Variants in CTNNA3 observed in about 807,000 individuals in gnomAD.
The protein encoded by CTNNA3 is catenin alpha 3, also known as catenin alpha-3.
CTNNA3 carries 76 observed loss-of-function variants against 95.7 expected under a neutral mutation model. The observed-to-expected ratio is 0.79, with a 90% CI of 0.66 to 0.96. The LOEUF is 0.96. Ranked by LOEUF, CTNNA3 falls within the 40% of genes least tolerant of loss-of-function variation. The probability of loss-of-function intolerance (pLI) is 0.00; values close to 1 mark genes in which losing one functional copy is unlikely to be tolerated. For missense variants in CTNNA3, 1,191 were observed against 1,089.8 expected, an observed-to-expected ratio of 1.09 and a Z score of -1.31; for synonymous variants, 431 against 374.4, an observed-to-expected ratio of 1.15 and a Z score of -1.74.
chr10:66,282,990 T>C (rs1269305044), intron 12 of CTNNA3, among the ~76,000 whole-genome samples: 1 of 151,916 alleles, frequency 6.6e-6, no homozygotes, highest in Non-Finnish European at 1.5e-5. Flanking sequence ...GATTTTGGTT[T>C]TGTTAACAAC....
chr10:66,910,266 T>C (rs533331788), intron 7 of CTNNA3, among the ~76,000 whole-genome samples: 2 of 152,310 alleles, frequency 1.3e-5, no homozygotes, highest in South Asian at 2.1e-4. Flanking sequence ...CATAGCATCT[T>C]GGTTAGTAAG....
chr10:67,702,911 C>A (rs1395182459), intron 1 of CTNNA3, among the ~76,000 whole-genome samples: 11 of 152,024 alleles, frequency 7.2e-5, no homozygotes, highest in Non-Finnish European at 1.6e-4. Flanking sequence ...AGAGAAGAAT[C>A]AAATAGACGC....
intron 9 of CTNNA3, among the ~76,000 whole-genome samples, chr10:66,745,956 T>C (rs972609159): frequency 1.3e-5 from 2 of 152,118 alleles, no homozygotes; most frequent in Non-Finnish European, 2.9e-5. Flanking sequence ...AGACACACAA[T>C]ATTATCCATG....
chr10:67,497,530 C>G (rs1282314604), intron 5 of CTNNA3, among the ~76,000 whole-genome samples: 1 of 152,208 alleles, frequency 6.6e-6, no homozygotes, highest in African/African-American at 2.4e-5. Context: ...AATGGTTGAA[C>G]TAGTTTACAT....
chr10:67,135,291 T>C (rs548701771), intron 7 of CTNNA3, among the ~76,000 whole-genome samples: 1 of 152,142 alleles, frequency 6.6e-6, no homozygotes, highest in Admixed American at 6.6e-5. Context: ...AACAAAAATA[T>C]AGTCTTTCAG....
intron 11 of CTNNA3, among the ~76,000 whole-genome samples, chr10:66,397,032 C>T (rs936648191): frequency 6.6e-6 from 1 of 151,264 alleles, no homozygotes; most frequent in South Asian, 2.1e-4. Context: ...AAATAGGACC[C>T]TCATTTAAAA....
intron 1 of CTNNA3, among the ~76,000 whole-genome samples, chr10:67,658,367 ATC>A (rs1840085715): frequency 6.6e-6 from 1 of 152,204 alleles, no homozygotes; most frequent in African/African-American, 2.4e-5. Flanking sequence ...TGATATCATT[ATC>A]CCCTTTTAAG....
chr10:66,739,430 G>A (rs1000434025), intron 9 of CTNNA3, among the ~76,000 whole-genome samples: 5 of 152,122 alleles, frequency 3.3e-5, no homozygotes, highest in Non-Finnish European at 5.9e-5. Context: ...ATCACAGATT[G>A]AAATATTTTT....
chr10:67,058,932 C>A (rs1855599095), intron 7 of CTNNA3, among the ~76,000 whole-genome samples: 2 of 152,076 alleles, frequency 1.3e-5, no homozygotes, highest in Admixed American at 6.6e-5. Flanking sequence ...ACATTGTAAG[C>A]CATAAATCAC....
chr10:66,193,193 T>C (rs1309156461), intron 13 of CTNNA3, among the ~76,000 whole-genome samples: 1 of 152,132 alleles, frequency 6.6e-6, no homozygotes, highest in Non-Finnish European at 1.5e-5. Flanking sequence ...GAGATACAAT[T>C]AATCAAATAA....
At chr10:67,184,333 C>T (rs185623459) in intron 6 of CTNNA3, among the ~76,000 whole-genome samples, 3 of 152,262 alleles carry the variant, frequency 2.0e-5, no homozygotes, top group African/African-American at 7.2e-5. Flanking sequence ...CCTTAGGGAT[C>T]GTAGTGGTAA....
chr10:66,410,107 T>C (rs557946437), intron 11 of CTNNA3, among the ~76,000 whole-genome samples: 1 of 152,348 alleles, frequency 6.6e-6, no homozygotes, highest in Non-Finnish European at 1.5e-5. Context: ...CTAACATGAA[T>C]GCTCTAATTA....
At position 65,924,838 on chromosome 10, in the gene CTNNA3, G is replaced by C. The variant is rs1322634283; in HGVS notation, c.2401-4221C>G. Reference sequence around the variant, plus strand: ...CAATCATGTCTTACATGGCAATCAAGGCAAGAAGGAACAAAGTCATGTCTT... The same window carrying C: ...CAATCATGTCTTACATGGCAATCAACGCAAGAAGGAACAAAGTCATGTCTT... On this transcript the variant is annotated intron_variant, in intron 17 of 17. Coordinates refer to ENST00000433211, the MANE Select transcript of CTNNA3 (RefSeq NM_013266.4). Among the ~76,000 whole-genome samples, 3 of 152,276 alleles carry C rather than the reference G, an allele frequency of 2.0e-5. 1 individual carries two copies. In the South Asian group the frequency reaches 6.2e-4, roughly 32 times the overall value.
At chr10:66,530,395 T>C (rs559819192) in intron 10 of CTNNA3, among the ~76,000 whole-genome samples, 1 of 152,304 alleles carries the variant, frequency 6.6e-6, no homozygotes, top group African/African-American at 2.4e-5. Context: ...CTAACTCTGT[T>C]CATCCTTTTC....
At position 66,907,863 on chromosome 10, in the gene CTNNA3, A is replaced by T. The variant is rs115866864; in HGVS notation, c.1048-132339T>A. ...GAAACCCAGACTGTCCCTTGTCATA[A>T]AGCAAATATGGTGAAGGCTATCATA... On this transcript the variant is annotated intron_variant, in intron 7 of 17. Transcript: ENST00000433211. Among the ~76,000 whole-genome samples, 881 of 152,328 alleles carry T rather than the reference A, an allele frequency of 5.8e-3. 10 individuals are homozygous for T. Among genetic ancestry groups the T allele is most frequent in the African/African-American group, 0.02 (841 of 41,576 alleles).
At chr10:66,850,748 C>A (rs1424725302) in intron 7 of CTNNA3, among the ~76,000 whole-genome samples, 1 of 151,842 alleles carries the variant, frequency 6.6e-6, no homozygotes, top group Non-Finnish European at 1.5e-5. Flanking sequence ...TCTTATCAAG[C>A]TTGCCTTATT....
intron 13 of CTNNA3, among the ~76,000 whole-genome samples, chr10:66,120,016 T>C (rs2082509266): frequency 6.6e-6 from 1 of 152,224 alleles, no homozygotes; most frequent in African/African-American, 2.4e-5. Context: ...ACTCTGAATA[T>C]ACACTATGTA....
At chr10:67,113,941 G>A (rs1859035545) in intron 7 of CTNNA3, among the ~76,000 whole-genome samples, 1 of 151,920 alleles carries the variant, frequency 6.6e-6, no homozygotes. Context: ...AAATTAGCTG[G>A]GCATGGTGGT....
chr10:67,710,549 G>C (rs1017614829), intron 1 of CTNNA3, among the ~76,000 whole-genome samples: 2 of 152,140 alleles, frequency 1.3e-5, no homozygotes, highest in African/African-American at 2.4e-5. Context: ...AGATGGAAGA[G>C]ACAAACTAGA....
Sources: allele counts gnomAD v4.1 joint callset (sites outside exome capture counted in the v4.1 genomes callset), GRCh38; gene constraint gnomAD v4.1.1; transcripts MANE v1.5; gene names NCBI Gene and HGNC (gene_info 2026-07-23, HGNC 2026-07-21).